Variants in TP53BP1 observed in about 807,000 individuals in gnomAD.
TP53BP1 encodes the protein TP53-binding protein 1.
Under a neutral mutation model 200.8 loss-of-function variants are expected in TP53BP1, and 61 were observed. That is an observed-to-expected ratio of 0.30 (90% CI 0.25 to 0.38). TP53BP1 has a LOEUF of 0.38. Ranked by LOEUF, TP53BP1 falls within the 10% of genes least tolerant of loss-of-function variation. The probability of loss-of-function intolerance (pLI) is 1.00; values close to 1 mark genes in which losing one functional copy is unlikely to be tolerated. For missense variants in TP53BP1, 2,144 were observed against 2,371.9 expected (o/e 0.90, Z 2.00); for synonymous variants, 822 against 844.3 (o/e 0.97, Z 0.46).
At chr15:43,497,541 A>C (rs1488148218), upstream of TP53BP1, 1 of 720,526 alleles carries the variant, frequency 1.4e-6, no homozygotes, top group African/African-American at 1.9e-5. Flanking sequence ...AGCCAGTACT[A>C]TAGAATAAAA....
In TP53BP1 at chr15:43,416,229, G is replaced by A; in HGVS notation, c.4869C>T (p.Ser1623=). Residue 1623 remains serine, a synonymous_variant, in exon 22 of 28, where the codon AGC becomes AGT. Coordinates refer to ENST00000382044, the MANE Select transcript of TP53BP1 (RefSeq NM_001141980.3). Reference sequence around the variant, plus strand: ...TTCAGGAAGCAAAAGTCTTACCTAAGCTGATATCTGCTGCCTTTGTAAGAG... The same window carrying A: ...TTCAGGAAGCAAAAGTCTTACCTAAACTGATATCTGCTGCCTTTGTAAGAG... ...VTPLTKAADI[S]LDNLVEGKRK... 1 of 1,612,926 alleles carries A rather than the reference G, an allele frequency of 6.2e-7. No homozygotes were observed. Among genetic ancestry groups the A allele is most frequent in the Non-Finnish European group, 8.5e-7 (1 of 1,179,704 alleles).
rs931515074 is a variant in TP53BP1, at chr15:43,491,012, A to T, written c.371+657T>A. 2.6e-5 allele frequency among the ~76,000 whole-genome samples: 4 copies of T among 152,138 alleles called. No individual in the cohort carries two copies. In the East Asian group the frequency reaches 7.7e-4, roughly 29 times the overall value. On this transcript the variant is annotated intron_variant, in intron 4 of 27. Coordinates refer to ENST00000382044, the MANE Select transcript of TP53BP1 (RefSeq NM_001141980.3). ...AAGAATTAAACATTCTAGATCTAAA[A>T]CTGGTGGGGTACTTCAGTTGATAGA...
At chr15:43,446,308 A>G in intron 14 of TP53BP1, 79 bp downstream of exon 14, 2 of 1,063,956 alleles carry the variant, frequency 1.9e-6, no homozygotes, top group Non-Finnish European at 2.8e-6. Flanking sequence ...AGAAGTATCA[A>G]TTATTATAAC....
chr15:43,456,132 C>T lies in TP53BP1; in HGVS notation c.2476G>A (p.Ala826Thr). ...EYEGDLKSGT[A>T]ETEPVEQDSS... ...TCTTGCTCTACAGGTTCTGTTTCTG[C>T]AGTCCCTGATTTCAGATCTCCTTCA... is the stretch of plus-strand genomic sequence containing the variant. The change falls in exon 12 of 28, where the codon GCA (alanine) becomes ACA (threonine). Residue 826 changes from alanine to threonine, a missense_variant. Ala to Thr is a moderately conservative substitution (Grantham distance 58). Around this residue, in one of 4 missense-constraint regions of TP53BP1, gnomAD observed 1,700 missense variants for 1,710.3 expected, o/e 0.99. Coordinates refer to ENST00000382044, the MANE Select transcript of TP53BP1 (RefSeq NM_001141980.3). 1 of 1,614,206 alleles carries T rather than the reference C, an allele frequency of 6.2e-7. No individual in the cohort carries two copies. Among genetic ancestry groups the T allele is most frequent in the South Asian group, 1.1e-5 (1 of 91,084 alleles).
chr15:43,429,548 T>C (rs2045625056), intron 17 of TP53BP1, among the ~76,000 whole-genome samples: 1 of 151,708 alleles, frequency 6.6e-6, no homozygotes, highest in Non-Finnish European at 1.5e-5. Context: ...ATTCTGCATT[T>C]TTTTCCTGAC....
chr15:43,450,201 G>T (rs1296540726), intron 12 of TP53BP1, among the ~76,000 whole-genome samples: 1 of 152,178 alleles, frequency 6.6e-6, no homozygotes, highest in East Asian at 1.9e-4. Flanking sequence ...GGGAGTATGT[G>T]TCCTTTAAGG....
At chr15:43,480,362 G>A (rs2078945984) in intron 5 of TP53BP1, among the ~76,000 whole-genome samples, 1 of 152,022 alleles carries the variant, frequency 6.6e-6, no homozygotes, top group Admixed American at 6.6e-5. Context: ...GCACAAGAAT[G>A]GCTTGAACCC....
At chr15:43,492,490 T>A (rs759635462) in intron 1 of TP53BP1, 22 bp from the exon 2 acceptor site, 4 of 1,604,930 alleles carry the variant, frequency 2.5e-6, no homozygotes, top group Non-Finnish European at 3.4e-6. Context: ...TAACAAAAGA[T>A]CAGTTCCGTG....
intron 12 of TP53BP1, among the ~76,000 whole-genome samples, chr15:43,449,303 C>T (rs1425579544): frequency 6.6e-6 from 1 of 152,140 alleles, no homozygotes; most frequent in Non-Finnish European, 1.5e-5. Flanking sequence ...TAATAAAGAA[C>T]TTAGAAGAGA....
chr15:43,457,322 A>C (rs1048514641), intron 11 of TP53BP1, 104 bp from the exon 12 acceptor site: 50 of 1,086,476 alleles, frequency 4.6e-5, no homozygotes, highest in South Asian at 2.0e-4. Context: ...AAATTTCTAA[A>C]TCAAATTTTT....
intron 23 of TP53BP1, chr15:43,415,202 C>CTTT (rs763958465): frequency 1.1e-3 from 214 of 187,382 alleles, no homozygotes; most frequent in South Asian, 2.1e-3. Flanking sequence ...TCCTGGCCTT[C>CTTT]TTTTTTTTTT....
rs369206241 is a variant in TP53BP1, at chr15:43,421,144, C to A, written c.4131G>T (p.Thr1377=). Residue 1377 remains threonine, a synonymous_variant, in exon 20 of 28, where the codon ACG becomes ACT. Transcript: ENST00000382044. ...CATCACCATCCTCCTCACACACTGGCGTCCCTGTCTGACTGACCCCTTTTC... is the reference window on the plus strand; with the variant it reads ...CATCACCATCCTCCTCACACACTGGAGTCCCTGTCTGACTGACCCCTTTTC... ...SPRKGVSQTG[T]PVCEEDGDAG... The A allele has an allele frequency of 1.9e-6, 3 of 1,614,072 alleles. 1 individual carries two copies. The African/African-American group carries it at 4.0e-5, about 22-fold the overall frequency.
At chr15:43,415,431 T>A (rs1339313277) in intron 23 of TP53BP1, 163 bp downstream of exon 23, 1 of 747,984 alleles carries the variant, frequency 1.3e-6, no homozygotes, top group Admixed American at 2.0e-5. Flanking sequence ...GGAGGAGGGA[T>A]ACAGTGAGCT....
chr15:43,501,561 T>C (rs570392533), intron 1 of TP53BP1, among the ~76,000 whole-genome samples: 28 of 152,284 alleles, frequency 1.8e-4, no homozygotes, highest in Admixed American at 1.6e-3. Context: ...GAAACCTACA[T>C]ATCAATCAAT....
intron 1 of TP53BP1, among the ~76,000 whole-genome samples, chr15:43,505,947 T>G (rs1177698724): frequency 6.6e-6 from 1 of 152,124 alleles, no homozygotes; most frequent in Non-Finnish European, 1.5e-5. Flanking sequence ...CAGAACTGAG[T>G]GCAGGGAAGG....
rs973370836 is a variant in TP53BP1, at chr15:43,404,422, C to T, written c.*2961G>A. 10 of 1,613,954 alleles carry T rather than the reference C, an allele frequency of 6.2e-6. No homozygotes were observed. Among genetic ancestry groups the T allele is most frequent in the Middle Eastern group, 1.6e-4 (1 of 6,084 alleles). On this transcript the variant is annotated 3_prime_UTR_variant, in exon 28 of 28. Transcript: ENST00000382044. ...GTCCTTCTCTCTGCAGGGCTTTAGC[C>T]GCCAGTCTTCACTCCTGTTCAAGAT...
chr15:43,444,742 TTCTCTGG>T (rs1486594965), intron 14 of TP53BP1, among the ~76,000 whole-genome samples: 1 of 152,002 alleles, frequency 6.6e-6, no homozygotes, highest in Non-Finnish European at 1.5e-5. Flanking sequence ...AAAATTACTT[TTCTCTGG>T]TCTCAGGGAA....
At chr15:43,423,008 C>A (rs959406498) in intron 18 of TP53BP1, among the ~76,000 whole-genome samples, 7 of 149,780 alleles carry the variant, frequency 4.7e-5, no homozygotes, top group East Asian at 1.9e-4. Flanking sequence ...ACAACAACAA[C>A]AAAAAAGGCT....
chr15:43,487,392 A>G (rs2079060878), intron 4 of TP53BP1, among the ~76,000 whole-genome samples: 1 of 152,214 alleles, frequency 6.6e-6, no homozygotes, highest in Non-Finnish European at 1.5e-5. Context: ...GCCACTCTAG[A>G]AAAGTTTGGC....
Sources: allele counts gnomAD v4.1 joint callset (sites outside exome capture counted in the v4.1 genomes callset), GRCh38; gene constraint gnomAD v4.1.1; regional missense constraint gnomAD v4.1.1; transcripts MANE v1.5; gene names NCBI Gene and HGNC (gene_info 2026-07-23, HGNC 2026-07-21).